CHST2: variants seen among roughly 807,000 people sequenced by gnomAD.
The protein encoded by CHST2 is N-acetylglucosamine 6-O-sulfotransferase 1.
In CHST2, 23 loss-of-function variants were observed where a neutral mutation model predicts 34.6. That is an observed-to-expected ratio of 0.67 (90% CI 0.48 to 0.94). The LOEUF (loss-of-function observed/expected upper bound fraction) is 0.94, where lower values mean the gene tolerates loss of function less well. Ranked by LOEUF, CHST2 falls within the 40% of genes least tolerant of loss-of-function variation. The pLI, the probability that CHST2 is intolerant of heterozygous loss-of-function variation, is 0.00. For synonymous variants in CHST2, 392 were observed against 343.1 expected (o/e 1.14, Z -1.58); for missense variants, 720 against 759.5 (o/e 0.95, Z 0.61).
Position 143,121,347 on chromosome 3 carries a change from G to A in CHST2, c.531G>A (p.Ser177=), listed in dbSNP as rs368136453. 1 of 1,613,592 alleles carries A rather than the reference G, an allele frequency of 6.2e-7. No homozygotes were observed. The highest frequency in any genetic ancestry group is 1.3e-5 in the African/African-American group (1 of 75,072). ...VYVFTTWRSG[S]SFFGELFNQN... is the part of the protein sequence containing the mutation. ...TGTTCACCACGTGGCGCTCTGGCTC[G>A]TCGTTCTTCGGCGAGCTATTCAACC... Residue 177 remains serine, a synonymous_variant, in exon 2 of 2, where the codon TCG becomes TCA. Coordinates refer to ENST00000309575, the MANE Select transcript of CHST2 (RefSeq NM_004267.5).
In CHST2 at chr3:143,120,088, CG is replaced by C. The variant is rs903551984; in HGVS notation, c.-623del. On this transcript the variant is annotated 5_prime_UTR_variant, in exon 1 of 2. The change creates a premature stop within an existing upstream ORF in the 5' untranslated region. Coordinates refer to ENST00000309575, the MANE Select transcript of CHST2 (RefSeq NM_004267.5). This position sits in a 1 kb window ranked among gnomAD's most constrained non-coding sequence, Gnocchi z 4.1. ...ATGGAAGCAGCCGCCGCCGCCGCTG[CG>C]GGGTCGCGCTGTGCCCCATCCACCG... 6.6e-6 allele frequency: 1 copy of C among 152,466 alleles called. No individual in the cohort carries two copies. Among genetic ancestry groups the C allele is most frequent in the African/African-American group, 2.4e-5 (1 of 41,424 alleles). The allele number at this position is 152,466 out of a possible 1,614,324, so 9.4% of individuals were successfully genotyped here. A position where few individuals can be genotyped will look rare whatever the true frequency, so the allele number is the denominator to read the frequency against.
Position 143,120,462 on chromosome 3 carries a change from G to A in CHST2, c.-253G>A. On this transcript the variant is annotated 5_prime_UTR_variant, in exon 1 of 2. Transcript: ENST00000309575. The surrounding 1 kb of genome is among the most constrained non-coding windows in gnomAD (Gnocchi z 4.1). The stretch of plus-strand genomic sequence containing the variant: ...ACCCCCAGCGGAAGCGAGAGGGAGC[G>A]AAATCGAGGAACGAGTGACAGCCGG... 5.8e-6 allele frequency: 1 copy of A among 173,026 alleles called. No individual in the cohort carries two copies. Among genetic ancestry groups the A allele is most frequent in the Non-Finnish European group, 1.2e-5 (1 of 81,582 alleles). The allele number at this position is 173,026 out of a possible 1,614,324, so 10.7% of individuals were successfully genotyped here.
In CHST2 at chr3:143,121,450, C is replaced by T. The variant is rs72551382; in HGVS notation, c.634C>T (p.Leu212=). ...QKLYPGDAVS[L]QGAARDMLSA... ...ACTGTATCCGGGGGACGCCGTTTCCCTGCAGGGGGCAGCGCGGGACATGCT... is the reference window on the plus strand; with the variant it reads ...ACTGTATCCGGGGGACGCCGTTTCCTTGCAGGGGGCAGCGCGGGACATGCT... The change falls in exon 2 of 2, where the codon CTG becomes TTG. Residue 212 remains leucine, a synonymous_variant. Coordinates refer to ENST00000309575, the MANE Select transcript of CHST2 (RefSeq NM_004267.5). 2,373 of 1,613,612 alleles carry T rather than the reference C, an allele frequency of 1.5e-3. 26 individuals are homozygous for T. The African/African-American group carries it at 0.028, about 19-fold the overall frequency.
Position 143,123,355 on chromosome 3 carries a change from T to A in CHST2, c.*946T>A, listed in dbSNP as rs1396735200. On this transcript the variant is annotated 3_prime_UTR_variant, in exon 2 of 2. Coordinates refer to ENST00000309575, the MANE Select transcript of CHST2 (RefSeq NM_004267.5). ...GAAGCAGAGACCAATGTTTTGGTGC[T>A]GAGGCTGGTTCAGAAAAAGGATTTT... is the stretch of plus-strand genomic sequence containing the variant. The A allele has an allele frequency of 6.6e-6, 1 of 152,220 alleles. No individual in the cohort carries two copies. The highest frequency in any genetic ancestry group is 1.9e-4 in the East Asian group (1 of 5,194). 9.4% of individuals were successfully genotyped at this position (152,220 alleles called of 1,614,324 possible). A position where few individuals can be genotyped will look rare whatever the true frequency, so the allele number is the denominator to read the frequency against.
rs896564299 is a variant in CHST2, at chr3:143,120,844, C to G, written c.28C>G (p.Pro10Ala). The stretch of plus-strand genomic sequence containing the variant: ...GAGCCGCAGCCCGCAGCGAGCTCTG[C>G]CCCCGGGCGCGCTCCCTCGGCTGCT... MSRSPQRALPPGALPRLLQA... is the reference protein window; with the variant it reads MSRSPQRALAPGALPRLLQA... Residue 10 changes from proline (P) to alanine (A), a missense_variant, in exon 2 of 2, where the codon CCC (proline) becomes GCC (alanine). Around this residue, in one of 4 missense-constraint regions of CHST2, gnomAD observed 287 missense variants for 242.7 expected, o/e 1.18. Coordinates refer to ENST00000309575, the MANE Select transcript of CHST2 (RefSeq NM_004267.5). This position sits in a 1 kb window ranked among gnomAD's most constrained non-coding sequence, Gnocchi z 4.1. 9.0e-6 allele frequency: 12 copies of G among 1,337,268 alleles called. No homozygotes were observed. The highest frequency in any genetic ancestry group is 1.1e-5 in the Non-Finnish European group (12 of 1,052,872). The allele number at this position is 1,337,268 out of a possible 1,614,324, so 82.8% of individuals were successfully genotyped here.
chr3:143,121,186 A>T lies in CHST2; in HGVS notation c.370A>T (p.Thr124Ser). 6.5e-7 allele frequency: 1 copy of T among 1,541,496 alleles called. No individual in the cohort carries two copies. Among genetic ancestry groups the T allele is most frequent in the Non-Finnish European group, 8.7e-7 (1 of 1,150,504 alleles). ...TGCTCATGCCCGTTTGGACCTCCGC[A>T]CTCCTTACCGCCCTCCCGCTGCCGC... is the stretch of plus-strand genomic sequence containing the variant. Reference protein sequence around the residue: ...PRAHARLDLRTPYRPPAAAVG... With the variant: ...PRAHARLDLRSPYRPPAAAVG... Residue 124 changes from threonine to serine, a missense_variant, in exon 2 of 2, where the codon ACT becomes TCT. Physicochemically the swap from Thr to Ser is moderately conservative, Grantham distance 58. Transcript: ENST00000309575.
At position 143,122,728 on chromosome 3, in the gene CHST2, T is replaced by C. The variant is rs551439947; in HGVS notation, c.*319T>C. ...CTGCCTTCCATTTTGAAGTGGGATGTTAATGAAATCAAGTTCCAGTAACCC... is the reference window on the plus strand; with the variant it reads ...CTGCCTTCCATTTTGAAGTGGGATGCTAATGAAATCAAGTTCCAGTAACCC... On this transcript the variant is annotated 3_prime_UTR_variant, in exon 2 of 2. Coordinates refer to ENST00000309575, the MANE Select transcript of CHST2 (RefSeq NM_004267.5). 1 of 233,036 alleles carries C rather than the reference T, an allele frequency of 4.3e-6. No homozygotes were observed. The highest frequency in any genetic ancestry group is 1.7e-4 in the South Asian group (1 of 5,742). 14.4% of individuals were successfully genotyped at this position (233,036 alleles called of 1,614,324 possible). A position where few individuals can be genotyped will look rare whatever the true frequency, so the allele number is the denominator to read the frequency against.
rs745689548 is a variant in CHST2, at chr3:143,120,793, C to A, written c.-24C>A. 30 of 1,227,698 alleles carry A rather than the reference C, an allele frequency of 2.4e-5. No individual in the cohort carries two copies. In the African/African-American group the frequency reaches 2.8e-4, roughly 12 times the overall value. The allele number at this position is 1,227,698 out of a possible 1,614,324, so 76.1% of individuals were successfully genotyped here. On this transcript the variant is annotated 5_prime_UTR_variant, in exon 2 of 2. Transcript: ENST00000309575. This position sits in a 1 kb window ranked among gnomAD's most constrained non-coding sequence, Gnocchi z 4.1. Reference sequence around the variant, plus strand: ...GGGCTGCAGGGCTGCCTCCGCCGCGCCGCCGGCCCGGATTGTGCCTGTGAT... The same window carrying A: ...GGGCTGCAGGGCTGCCTCCGCCGCGACGCCGGCCCGGATTGTGCCTGTGAT...
chr3:143,121,703 G>A lies in CHST2; in HGVS notation c.887G>A (p.Arg296His). 3 of 1,582,808 alleles carry A rather than the reference G, an allele frequency of 1.9e-6. No homozygotes were observed. Among genetic ancestry groups the A allele is most frequent in the Non-Finnish European group, 2.6e-6 (3 of 1,161,278 alleles). ...CTGGCGCGTTTCGAGGAGGAGTGCCGCAAGTACCGCACACTAGTCATAAAG... is the reference window on the plus strand; with the variant it reads ...CTGGCGCGTTTCGAGGAGGAGTGCCACAAGTACCGCACACTAGTCATAAAG... The part of the protein sequence containing the change: ...QRLARFEEEC[R>H]KYRTLVIKGV... The change falls in exon 2 of 2, where the codon CGC becomes CAC. Residue 296 changes from arginine to histidine, a missense_variant. By Grantham distance (29) the Arg-to-His change is conservative. Transcript: ENST00000309575.
rs1296490439 is a variant in CHST2, at chr3:143,121,378, C to G, written c.562C>G (p.Pro188Ala). The G allele has an allele frequency of 6.2e-7, 1 of 1,613,634 alleles. No individual in the cohort carries two copies. The highest frequency in any genetic ancestry group is 8.5e-7 in the Non-Finnish European group (1 of 1,180,038). ...SFFGELFNQN[P>A]EVFFLYEPVW... is the part of the protein sequence containing the mutation. ...CTTCGGCGAGCTATTCAACCAGAAT[C>G]CCGAGGTGTTCTTTCTCTACGAGCC... is the stretch of plus-strand genomic sequence containing the variant. Residue 188 changes from proline to alanine, a missense_variant, in exon 2 of 2, where the codon CCC becomes GCC. Transcript: ENST00000309575.
In CHST2 at chr3:143,122,537, TCACA is replaced by T. The variant is rs1166947450; in HGVS notation, c.*136_*139del. Reference sequence around the variant, plus strand: ...TATTCTATTATAGATATATAAATAATCACACACACACTTGCTGTCAATGTTTTGA... The same window carrying T: ...TATTCTATTATAGATATATAAATAATCACACACTTGCTGTCAATGTTTTGA... On this transcript the variant is annotated 3_prime_UTR_variant, in exon 2 of 2. Transcript: ENST00000309575. The T allele has an allele frequency of 5.4e-6, 5 of 918,128 alleles. No homozygotes were observed. Among genetic ancestry groups the T allele is most frequent in the Non-Finnish European group, 7.8e-6 (5 of 637,998 alleles). The allele number at this position is 918,128 out of a possible 1,614,324, so 56.9% of individuals were successfully genotyped here. A position where few individuals can be genotyped will look rare whatever the true frequency, so the allele number is the denominator to read the frequency against.
At position 143,120,645 on chromosome 3, in the gene CHST2, T is replaced by G; in HGVS notation, c.-172T>G. ...CGCTCACTCCGCTTCCCCTCGCAGG[T>G]CCTACCCGGAGCCGCTGCCATGGGA... On this transcript the variant is annotated splice_region_variant and 5_prime_UTR_variant, in exon 2 of 2. Coordinates refer to ENST00000309575, the MANE Select transcript of CHST2 (RefSeq NM_004267.5). The surrounding 1 kb of genome is among the most constrained non-coding windows in gnomAD (Gnocchi z 4.1). 1 of 450,268 alleles carries G rather than the reference T, an allele frequency of 2.2e-6. No homozygotes were observed. Among genetic ancestry groups the G allele is most frequent in the Non-Finnish European group, 3.4e-6 (1 of 297,158 alleles). The allele number at this position is 450,268 out of a possible 1,614,324, so 27.9% of individuals were successfully genotyped here. A position where few individuals can be genotyped will look rare whatever the true frequency, so the allele number is the denominator to read the frequency against.
At position 143,122,109 on chromosome 3, in the gene CHST2, C is replaced by T; in HGVS notation, c.1293C>T (p.Asp431=). 3 of 1,614,176 alleles carry T rather than the reference C, an allele frequency of 1.9e-6. No homozygotes were observed. Among genetic ancestry groups the T allele is most frequent in the Non-Finnish European group, 2.5e-6 (3 of 1,180,014 alleles). ...TGCGGTACGAGGACCTGGTGGGAGA[C>T]CCCGTCAAGACACTACGGAGAGTGT... ...LVVRYEDLVG[D]PVKTLRRVYD... Residue 431 remains aspartate (D), a synonymous_variant, in exon 2 of 2, where the codon GAC becomes GAT. Coordinates refer to ENST00000309575, the MANE Select transcript of CHST2 (RefSeq NM_004267.5).
rs1303553341 is a variant in CHST2 at position 143,121,146 on chromosome 3, G to T, written c.330G>T (p.Pro110=). The change falls in exon 2 of 2, where the codon CCG becomes CCT. Residue 110 remains proline (P), a synonymous_variant. Transcript: ENST00000309575. The stretch of plus-strand genomic sequence containing the variant: ...GCTGGGGGCGCCCAGGGCCGCCTCC[G>T]GCCGGGCCGCCCCGTGCTCATGCCC... ...GGSWGRPGPP[P]AGPPRAHARL... 6.9e-7 allele frequency: 1 copy of T among 1,452,234 alleles called. No homozygotes were observed. Among genetic ancestry groups the T allele is most frequent in the East Asian group, 2.8e-5 (1 of 36,082 alleles). 90.0% of individuals were successfully genotyped at this position (1,452,234 alleles called of 1,614,324 possible). A position where few individuals can be genotyped will look rare whatever the true frequency, so the allele number is the denominator to read the frequency against.
chr3:143,121,581 C>G lies in CHST2; in HGVS notation c.765C>G (p.Asn255Lys). The G allele has an allele frequency of 1.9e-6, 3 of 1,608,970 alleles. No homozygotes were observed. Among genetic ancestry groups the G allele is most frequent in the Non-Finnish European group, 2.5e-6 (3 of 1,177,270 alleles). ...TTLGIFGAAT[N>K]KVVCSSPLCP... is the part of the protein sequence containing the mutation. ...TGGGCATCTTCGGCGCAGCCACCAACAAGGTGGTGTGCTCGTCACCACTCT... is the reference window on the plus strand; with the variant it reads ...TGGGCATCTTCGGCGCAGCCACCAAGAAGGTGGTGTGCTCGTCACCACTCT... The change falls in exon 2 of 2, where the codon AAC becomes AAG. Residue 255 changes from asparagine to lysine, a missense_variant. Physicochemically the swap from Asn to Lys is moderately conservative, Grantham distance 94. This residue lies in a region of CHST2 where 166 missense variants were observed against 211.4 expected (regional missense o/e 0.79). Transcript: ENST00000309575.
At position 143,121,986 on chromosome 3, in the gene CHST2, C is replaced by A; in HGVS notation, c.1170C>A (p.His390Gln). The A allele has an allele frequency of 1.2e-6, 2 of 1,602,172 alleles. No homozygotes were observed. The highest frequency in any genetic ancestry group is 1.7e-5 in the Admixed American group (1 of 57,330). ...KEGVGGPADY[H>Q]ALGAMEVICN... ...GCGTGGGCGGCCCCGCAGACTACCA[C>A]GCTCTGGGCGCTATGGAGGTCATCT... is the stretch of plus-strand genomic sequence containing the variant. Residue 390 changes from histidine (H) to glutamine (Q), a missense_variant, in exon 2 of 2, where the codon CAC becomes CAA. By Grantham distance (24) the His-to-Gln change is conservative (BLOSUM62 0). Coordinates refer to ENST00000309575, the MANE Select transcript of CHST2 (RefSeq NM_004267.5).
Position 143,122,262 on chromosome 3 carries a change from C to CT in CHST2, c.1447dup (p.Trp483LeufsTer27). ...GCAATGCCACGCAGGCCGCCAATGC[C>CT]TGGCGGACCGCCCTCACCTTCCAGC... is the stretch of plus-strand genomic sequence containing the variant. On this transcript the variant is annotated frameshift_variant, in exon 2 of 2. Coordinates refer to ENST00000309575, the MANE Select transcript of CHST2 (RefSeq NM_004267.5). LOFTEE classifies it high-confidence loss of function. 1 of 1,614,170 alleles carries CT rather than the reference C, an allele frequency of 6.2e-7. No individual in the cohort carries two copies. Among genetic ancestry groups the CT allele is most frequent in the Non-Finnish European group, 8.5e-7 (1 of 1,180,042 alleles).
chr3:143,121,822 G>C lies in CHST2; in HGVS notation c.1006G>C (p.Ala336Pro). 1 of 1,595,816 alleles carries C rather than the reference G, an allele frequency of 6.3e-7. No homozygotes were observed. The highest frequency in any genetic ancestry group is 8.6e-7 in the Non-Finnish European group (1 of 1,168,402). The change falls in exon 2 of 2, where the codon GCG becomes CCG. Residue 336 changes from alanine (A) to proline (P), a missense_variant. Physicochemically the swap from Ala to Pro is conservative, Grantham distance 27. Coordinates refer to ENST00000309575, the MANE Select transcript of CHST2 (RefSeq NM_004267.5). ...KVIHLVRDPR[A>P]VASSRIRSRH... ...CATCCACTTGGTGCGTGATCCCCGC[G>C]CGGTGGCGAGTTCACGGATCCGCTC...
rs1489087652 is a variant in CHST2 at position 143,121,800 on chromosome 3, C to G, written c.984C>G (p.Ile328Met). 6.2e-7 allele frequency: 1 copy of G among 1,606,448 alleles called. No homozygotes were observed. Residue 328 changes from isoleucine (I) to methionine (M), a missense_variant, in exon 2 of 2, where the codon ATC (isoleucine) becomes ATG (methionine). Physicochemically the swap from Ile to Met is conservative, Grantham distance 10 (BLOSUM62 1). This residue lies in a region of CHST2 where 166 missense variants were observed against 211.4 expected (regional missense o/e 0.79). Coordinates refer to ENST00000309575, the MANE Select transcript of CHST2 (RefSeq NM_004267.5). Reference sequence around the variant, plus strand: ...ACCCGGCCCTGGACCTCAAGGTCATCCACTTGGTGCGTGATCCCCGCGCGG... The same window carrying G: ...ACCCGGCCCTGGACCTCAAGGTCATGCACTTGGTGCGTGATCCCCGCGCGG... ...LRDPALDLKV[I>M]HLVRDPRAVA...
Sources: gnomAD v4.1 joint callset for allele counts on GRCh38, gnomAD v4.1.1 for gene constraint, gnomAD v4.1.1 regional missense constraint, Gnocchi (gnomAD v3.1) non-coding constraint, MANE v1.5 for transcripts, NCBI Gene and HGNC (gene_info 2026-07-23, HGNC 2026-07-21) for gene names.